The following ASIC2 variants were observed in gnomAD, a reference collection of about 807,000 sequenced individuals.
ASIC2 encodes the protein acid sensing ion channel subunit 2.
A neutral mutation model predicts 57.3 loss-of-function variants in ASIC2; 25 were observed. The ratio of observed to expected loss-of-function variants is 0.44; its 90% CI spans 0.32 to 0.61. ASIC2 has a LOEUF of 0.61. ASIC2 is among the 20% of genes least tolerant of loss of function. ASIC2 has a pLI of 0.06. For synonymous variants in ASIC2, 319 were observed against 307.5 expected (o/e 1.04, Z -0.39); for missense variants, 641 against 738.1 (o/e 0.87, Z 1.52).
At chr17:33,269,908 G>GTTCCT (rs1904415855) in intron 1 of ASIC2, among the ~76,000 whole-genome samples, 1 of 152,196 alleles carries the variant, frequency 6.6e-6, no homozygotes, top group East Asian at 1.9e-4. Context: ...GAATAGTTCC[G>GTTCCT]TATCTGAGCC....
intron 1 of ASIC2, among the ~76,000 whole-genome samples, chr17:33,339,551 T>G (rs1394182761): frequency 6.6e-6 from 1 of 152,234 alleles, no homozygotes; most frequent in Non-Finnish European, 1.5e-5. Context: ...AAAGTCACTT[T>G]GGCAATTTAT....
In ASIC2 at chr17:34,038,030, C is replaced by T. The variant is rs1907958016; in HGVS notation, c.555+117948G>A. 6 of 1,613,392 alleles carry T rather than the reference C, an allele frequency of 3.7e-6. No individual in the cohort carries two copies. The Admixed American group carries it at 6.7e-5, about 18-fold the overall frequency. On this transcript the variant is annotated intron_variant, in intron 1 of 9. Transcript: ENST00000359872. ...TGGTAAATACCAATAAGTACCAGCA[C>T]CTTGTGATGTTAGCTCCATGCCATC...
intron 1 of ASIC2, among the ~76,000 whole-genome samples, chr17:33,392,319 G>A (rs377064154): frequency 6.6e-6 from 1 of 150,490 alleles, no homozygotes; most frequent in African/African-American, 2.5e-5. Context: ...GGAGTGCAGT[G>A]GTGCGATCTT....
At chr17:34,030,749 T>C (rs1347568039) in intron 1 of ASIC2, among the ~76,000 whole-genome samples, 1 of 152,198 alleles carries the variant, frequency 6.6e-6, no homozygotes, top group African/African-American at 2.4e-5. Context: ...CACGGAGTCT[T>C]GCTCATTGCT....
intron 2 of ASIC2, among the ~76,000 whole-genome samples, chr17:33,107,111 C>A (rs1331142026): frequency 1.3e-5 from 2 of 152,132 alleles, no homozygotes; most frequent in Admixed American, 6.5e-5. Context: ...ACCGCCTATT[C>A]CTTTTATCTT....
chr17:34,137,109 C>A (rs886916776), intron 1 of ASIC2, among the ~76,000 whole-genome samples: 8 of 152,206 alleles, frequency 5.3e-5, no homozygotes, highest in African/African-American at 1.9e-4. Context: ...CCCTGCCATG[C>A]ACAGTATAGA....
intron 1 of ASIC2, among the ~76,000 whole-genome samples, chr17:33,334,825 G>A (rs139367857): frequency 3.3e-4 from 51 of 152,288 alleles, no homozygotes; most frequent in Non-Finnish European, 5.4e-4. Flanking sequence ...GCAGGCAAGC[G>A]CAAGACTAAT....
At chr17:33,768,776 C>T (rs1276285571) in intron 1 of ASIC2, among the ~76,000 whole-genome samples, 2 of 152,266 alleles carry the variant, frequency 1.3e-5, no homozygotes, top group South Asian at 2.1e-4. Context: ...CCACCCTTCC[C>T]CCATCCAGTC....
intron 1 of ASIC2, among the ~76,000 whole-genome samples, chr17:33,876,093 G>A (rs560775399): frequency 6.6e-6 from 1 of 152,170 alleles, no homozygotes; most frequent in South Asian, 2.1e-4. Context: ...AAAGGACTTT[G>A]GTTCAAGTTC....
chr17:33,505,577 G>A (rs1302791530), intron 1 of ASIC2, among the ~76,000 whole-genome samples: 2 of 152,076 alleles, frequency 1.3e-5, no homozygotes, highest in East Asian at 1.9e-4. Context: ...CCCCATCATC[G>A]GTAGCATGAA....
intron 1 of ASIC2, among the ~76,000 whole-genome samples, chr17:33,755,889 G>A (rs1030431140): frequency 1.3e-5 from 2 of 152,234 alleles, no homozygotes; most frequent in Admixed American, 1.3e-4. Context: ...CACGAGGAGG[G>A]CAGAGAGGGC....
intron 1 of ASIC2, among the ~76,000 whole-genome samples, chr17:33,478,402 T>C (rs1913297736): frequency 6.6e-6 from 1 of 152,230 alleles, no homozygotes; most frequent in Admixed American, 6.5e-5. Context: ...TCTCCGTAAA[T>C]AGCACAGAGG....
rs989438666 is a variant in ASIC2 at position 33,189,005 on chromosome 17, G to A, written c.709-76938C>T. Among the ~76,000 whole-genome samples the A allele has an allele frequency of 2.0e-4, 30 of 152,214 alleles. No homozygotes were observed. The East Asian group carries it at 5.2e-3, about 26-fold the overall frequency. On this transcript the variant is annotated intron_variant, in intron 1 of 9. Coordinates refer to ENST00000225823, the MANE Select transcript of ASIC2 (RefSeq NM_183377.2). ...TGTATGACAAAAAAGATGGGGTGTG[G>A]GAGAGGGAAGTACACTTTTGTAAGT... is the stretch of plus-strand genomic sequence containing the variant.
At chr17:33,329,858 A>G (rs1907237453) in intron 1 of ASIC2, among the ~76,000 whole-genome samples, 1 of 152,000 alleles carries the variant, frequency 6.6e-6, no homozygotes, top group Non-Finnish European at 1.5e-5. Flanking sequence ...AGGTCATTGG[A>G]TCTGTTCTTT....
chr17:33,787,763 G>A (rs1210652709), intron 1 of ASIC2, among the ~76,000 whole-genome samples: 1 of 152,164 alleles, frequency 6.6e-6, no homozygotes, highest in Non-Finnish European at 1.5e-5. Context: ...TATGGTTTGG[G>A]TCTGTGTGCC....
rs367994594 is a variant in ASIC2 at position 33,361,351 on chromosome 17, G to T, written c.556-249284C>A. Among the ~76,000 whole-genome samples, 12 of 152,344 alleles carry T rather than the reference G, an allele frequency of 7.9e-5. No homozygotes were observed. The East Asian group carries it at 9.6e-4, about 12-fold the overall frequency. Reference sequence around the variant, plus strand: ...TGGAGAGCATTGAGAACCAACTGAGGCAGAGTGACGAGAAGTGGCTTCTGC... The same window carrying T: ...TGGAGAGCATTGAGAACCAACTGAGTCAGAGTGACGAGAAGTGGCTTCTGC... On this transcript the variant is annotated intron_variant, in intron 1 of 9. Coordinates refer to the ASIC2 transcript ENST00000359872.
At chr17:33,019,347 T>C (rs958465847) in intron 7 of ASIC2, among the ~76,000 whole-genome samples, 2 of 151,428 alleles carry the variant, frequency 1.3e-5, no homozygotes, top group Admixed American at 6.6e-5. Context: ...CGAGCGTGTG[T>C]AGTGTGGGTG....
intron 1 of ASIC2, among the ~76,000 whole-genome samples, chr17:33,341,559 A>T (rs1159610018): frequency 6.6e-6 from 1 of 152,230 alleles, no homozygotes; most frequent in East Asian, 1.9e-4. Context: ...TGCAAAGCAT[A>T]ACATATTTAT....
intron 1 of ASIC2, among the ~76,000 whole-genome samples, chr17:33,305,647 T>G (rs1906140081): frequency 6.6e-6 from 1 of 152,148 alleles, no homozygotes. Flanking sequence ...TAGCTGAAAC[T>G]CACAATGATG....
Sources: gnomAD v4.1 joint callset for allele counts (sites outside exome capture counted in the v4.1 genomes callset) on GRCh38, gnomAD v4.1.1 for gene constraint, MANE v1.5 for transcripts, NCBI Gene and HGNC (gene_info 2026-07-23, HGNC 2026-07-21) for gene names.